KCNQ5: variants seen among roughly 807,000 people sequenced by gnomAD.
KCNQ5 encodes potassium voltage-gated channel subfamily KQT member 5.
KCNQ5 carries 30 observed loss-of-function variants against 98.2 expected under a neutral mutation model. The observed-to-expected ratio is 0.31, with a 90% CI of 0.23 to 0.41. KCNQ5 has a LOEUF of 0.41. Among genes scored for constraint, KCNQ5 ranks in the 10% least tolerant of loss-of-function variants. The pLI is 1.00. For synonymous variants in KCNQ5, 458 were observed against 449.4 expected (o/e 1.02, Z -0.24); for missense variants, 835 against 1,182.5 (o/e 0.71, Z 4.31).
At chr6:73,184,284 T>C (rs1562224534) in intron 11 of KCNQ5, among the ~76,000 whole-genome samples, 1 of 152,254 alleles carries the variant, frequency 6.6e-6, no homozygotes, top group Non-Finnish European at 1.5e-5. Context: ...TGATTTTCAG[T>C]AGCAGTTCTA....
Position 72,797,502 on chromosome 6 carries a change from CAA to C in KCNQ5, c.398+174930_398+174931del, listed in dbSNP as rs543983897. ...CCTGGGCAACAGAATAAGACCCTGC[CAA>C]AAAAAAAAAAAAAAGTGTTTAGTAT... On this transcript the variant is annotated intron_variant, in intron 1 of 13. Coordinates refer to ENST00000370398, the MANE Select transcript of KCNQ5 (RefSeq NM_019842.4). Among the ~76,000 whole-genome samples, 99 of 87,352 alleles carry C rather than the reference CAA, an allele frequency of 1.1e-3. No homozygotes were observed. The East Asian group carries it at 0.012, about 10-fold the overall frequency. 57.3% of individuals were successfully genotyped at this position (87,352 alleles called of 152,430 possible).
intron 1 of KCNQ5, among the ~76,000 whole-genome samples, chr6:72,718,470 T>G: frequency 7.0e-6 from 1 of 143,536 alleles, no homozygotes; most frequent in East Asian, 2.0e-4. Context: ...TTTTTTTTTT[T>G]TGACAGAGTC....
chr6:73,099,919 G>T (rs1309221661), intron 5 of KCNQ5, among the ~76,000 whole-genome samples: 1 of 152,158 alleles, frequency 6.6e-6, no homozygotes, highest in South Asian at 2.1e-4. Flanking sequence ...CTCAAGGATA[G>T]ATCAGGATAG....
At chr6:72,909,875 G>A (rs1025537771) in intron 1 of KCNQ5, among the ~76,000 whole-genome samples, 1 of 152,120 alleles carries the variant, frequency 6.6e-6, no homozygotes, top group Non-Finnish European at 1.5e-5. Flanking sequence ...TAAAGATTTT[G>A]GACATCCTCC....
At chr6:73,075,499 G>A (rs180871746) in intron 3 of KCNQ5, among the ~76,000 whole-genome samples, 336 of 152,254 alleles carry the variant, frequency 2.2e-3, no homozygotes, top group Non-Finnish European at 4.0e-3. Flanking sequence ...GGGATTACAA[G>A]TGTGAGCCAC....
chr6:72,857,310 TGAGA>T (rs1777572819), intron 1 of KCNQ5, among the ~76,000 whole-genome samples: 2 of 152,200 alleles, frequency 1.3e-5, no homozygotes, highest in South Asian at 4.1e-4. Flanking sequence ...TAACTGGCAA[TGAGA>T]GAATTTTTAA....
At chr6:72,633,578 A>C (rs992599369) in intron 1 of KCNQ5, among the ~76,000 whole-genome samples, 4 of 152,244 alleles carry the variant, frequency 2.6e-5, no homozygotes, top group Non-Finnish European at 5.9e-5. Flanking sequence ...AAGAACCCGA[A>C]TAGCCAAAGC....
intron 1 of KCNQ5, among the ~76,000 whole-genome samples, chr6:72,717,861 T>C (rs1426410869): frequency 6.6e-6 from 1 of 152,052 alleles, no homozygotes; most frequent in Non-Finnish European, 1.5e-5. Context: ...GTTTGAAAAA[T>C]TTATTTATTA....
intron 10 of KCNQ5, among the ~76,000 whole-genome samples, chr6:73,151,451 T>A (rs1472842057): frequency 3.3e-5 from 5 of 152,230 alleles, no homozygotes; most frequent in South Asian, 2.1e-4. Flanking sequence ...TCAATGTAAG[T>A]CACTATAGTT....
intron 11 of KCNQ5, among the ~76,000 whole-genome samples, chr6:73,172,112 T>G (rs1201597287): frequency 2.0e-5 from 3 of 152,256 alleles, no homozygotes; most frequent in Middle Eastern, 3.2e-3. Flanking sequence ...GTTCTTATTT[T>G]TAATGGAACT....
chr6:72,671,650 C>T (rs907570269), intron 1 of KCNQ5, among the ~76,000 whole-genome samples: 3 of 152,090 alleles, frequency 2.0e-5, no homozygotes, highest in African/African-American at 7.2e-5. Context: ...TTATACATGA[C>T]AAAGTATTAG....
At chr6:72,838,815 TAGC>T (rs1363098571) in intron 1 of KCNQ5, among the ~76,000 whole-genome samples, 1 of 150,298 alleles carries the variant, frequency 6.7e-6, no homozygotes, top group Non-Finnish European at 1.5e-5. Context: ...CCGGGCGTGG[TAGC>T]GGGCGCCTGT....
At chr6:72,905,874 C>A (rs554567123) in intron 1 of KCNQ5, among the ~76,000 whole-genome samples, 1 of 152,290 alleles carries the variant, frequency 6.6e-6, no homozygotes, top group Admixed American at 6.5e-5. Context: ...GCTGCTTGGC[C>A]TCCTGCCAGG....
chr6:72,837,534 G>A (rs190153426), intron 1 of KCNQ5, among the ~76,000 whole-genome samples: 2 of 152,208 alleles, frequency 1.3e-5, no homozygotes, highest in Admixed American at 1.3e-4. Context: ...AGTCTCATTG[G>A]AGAAAATATA....
intron 1 of KCNQ5, among the ~76,000 whole-genome samples, chr6:72,793,745 G>A (rs749801211): frequency 2.6e-5 from 4 of 152,348 alleles, no homozygotes; most frequent in South Asian, 2.1e-4. Context: ...CCTTCAATGC[G>A]AAGAAAGAAG....
At position 72,887,173 on chromosome 6, in the gene KCNQ5, C is replaced by T. The variant is rs183597826; in HGVS notation, c.399-116735C>T. ...TCCATTTTTATGCTGCAGATAAAGACATACCTGAGACTAGAAAGAAAAAGA... is the reference window on the plus strand; with the variant it reads ...TCCATTTTTATGCTGCAGATAAAGATATACCTGAGACTAGAAAGAAAAAGA... On this transcript the variant is annotated intron_variant, in intron 1 of 13. Transcript: ENST00000370398. Among the ~76,000 whole-genome samples the T allele has an allele frequency of 2.0e-3, 305 of 152,230 alleles. 2 individuals are homozygous for T. Among genetic ancestry groups the T allele is most frequent in the African/African-American group, 6.8e-3 (281 of 41,540 alleles).
intron 10 of KCNQ5, among the ~76,000 whole-genome samples, chr6:73,168,597 C>T (rs1300447106): frequency 5.9e-5 from 9 of 151,856 alleles, no homozygotes; most frequent in Non-Finnish European, 1.3e-4. Context: ...CAGCTACTTG[C>T]GGGGCTGAGG....
At chr6:72,767,907 T>A (rs1772661973) in intron 1 of KCNQ5, among the ~76,000 whole-genome samples, 1 of 151,980 alleles carries the variant, frequency 6.6e-6, no homozygotes, top group Non-Finnish European at 1.5e-5. Flanking sequence ...GTGCAGTAAT[T>A]TTGGAAAACA....
chr6:72,727,475 C>A (rs1351700860), intron 1 of KCNQ5, among the ~76,000 whole-genome samples: 1 of 152,084 alleles, frequency 6.6e-6, no homozygotes, highest in Non-Finnish European at 1.5e-5. Flanking sequence ...CAAAGAATAT[C>A]CCTGTTGTTT....
Sources: gnomAD v4.1 joint callset for allele counts (sites outside exome capture counted in the v4.1 genomes callset) on GRCh38, gnomAD v4.1.1 for gene constraint, MANE v1.5 for transcripts, NCBI Gene and HGNC (gene_info 2026-07-23, HGNC 2026-07-21) for gene names.